ITIH2: variants seen among roughly 807,000 people sequenced by gnomAD.
The protein encoded by ITIH2 is inter-alpha-trypsin inhibitor heavy chain H2.
A neutral mutation model predicts 104.4 loss-of-function variants in ITIH2; 103 were observed. The observed-to-expected ratio is 0.99, with a 90% CI of 0.84 to 1.16. The LOEUF (loss-of-function observed/expected upper bound fraction) is 1.16, where lower values mean the gene tolerates loss of function less well. Ranked by LOEUF, ITIH2 falls within the 50% of genes most tolerant of loss-of-function variation. The pLI is 0.00. For synonymous variants in ITIH2, 436 were observed against 435.4 expected (o/e 1.00, Z -0.02); for missense variants, 1,108 against 1,162.4 (o/e 0.95, Z 0.68).
Position 7,749,384 on chromosome 10 carries a change from T to C in ITIH2, c.*50T>C, listed in dbSNP as rs768755870. 4.8e-6 allele frequency: 7 copies of C among 1,471,536 alleles called. No homozygotes were observed. The highest frequency in any genetic ancestry group is 3.6e-5 in the Admixed American group (2 of 55,040). The allele number at this position is 1,471,536 out of a possible 1,614,324, so 91.2% of individuals were successfully genotyped here. The stretch of plus-strand genomic sequence containing the variant: ...TATATTAATATACATCTTTCCCCTG[T>C]CACTTTTGCAGATATTCTTCGGTTT... On this transcript the variant is annotated 3_prime_UTR_variant, in exon 21 of 21. Coordinates refer to ENST00000358415, the MANE Select transcript of ITIH2 (RefSeq NM_002216.3).
chr10:7,745,771 T>A lies in ITIH2; in HGVS notation c.2581+808T>A, dbSNP rs114881981. ...TTAAATTAATTAATTCATTAATTTA[T>A]GAGATGGAGTTTCTCTCTTGTTGCC... On this transcript the variant is annotated intron_variant, in intron 19 of 20. Coordinates refer to ENST00000358415, the MANE Select transcript of ITIH2 (RefSeq NM_002216.3). Among the ~76,000 whole-genome samples the A allele has an allele frequency of 5.7e-3, 864 of 151,130 alleles. 6 individuals carry two copies. Among genetic ancestry groups the A allele is most frequent in the African/African-American group, 0.02 (825 of 41,286 alleles).
chr10:7,721,344 T>C (rs1834900632), intron 7 of ITIH2, among the ~76,000 whole-genome samples: 1 of 152,190 alleles, frequency 6.6e-6, no homozygotes, highest in South Asian at 2.1e-4. Flanking sequence ...GAAACTCCTC[T>C]AAGAGCATTA....
rs923997175 is a variant in ITIH2, at chr10:7,721,724, G to A, written c.814G>A (p.Glu272Lys). The A allele has an allele frequency of 3.7e-6, 6 of 1,613,872 alleles. No individual in the cohort carries two copies. The highest frequency in any genetic ancestry group is 1.7e-5 in the Admixed American group (1 of 59,996). Residue 272 changes from glutamate (E) to lysine (K), a missense_variant, in exon 8 of 21, where the codon GAA becomes AAA. Coordinates refer to ENST00000358415, the MANE Select transcript of ITIH2 (RefSeq NM_002216.3). ...PNCRETAVDGELVVLYDVKRE... is the reference protein window; with the variant it reads ...PNCRETAVDGKLVVLYDVKRE... ...CTGCCGGGAGACTGCGGTAGATGGGGAACTGGTGGTGCTGTATGACGTGAA... is the reference window on the plus strand; with the variant it reads ...CTGCCGGGAGACTGCGGTAGATGGGAAACTGGTGGTGCTGTATGACGTGAA...
intron 13 of ITIH2, 110 bp from the exon 14 acceptor site, chr10:7,732,228 C>A: frequency 7.8e-7 from 1 of 1,280,526 alleles, no homozygotes; most frequent in South Asian, 1.3e-5. Context: ...TAGGCTTTGC[C>A]TTCCATTTCT....
intron 15 of ITIH2, among the ~76,000 whole-genome samples, chr10:7,736,688 G>T (rs1020568254): frequency 2.0e-5 from 3 of 152,058 alleles, no homozygotes; most frequent in South Asian, 4.1e-4. Flanking sequence ...AAACTGGAGT[G>T]GAAATAATCT....
At chr10:7,749,049 A>G (rs1835210846) in intron 20 of ITIH2, 138 bp from the exon 21 acceptor site, 2 of 784,196 alleles carry the variant, frequency 2.6e-6, no homozygotes, top group South Asian at 3.9e-5. Context: ...TCTTTTTCAC[A>G]TGACTTGGGG....
chr10:7,743,306 G>C (rs113220591), intron 17 of ITIH2, 47 bp downstream of exon 17: 15 of 965,278 alleles, frequency 1.6e-5, no homozygotes, highest in African/African-American at 9.9e-5. Context: ...TCATTGTCAT[G>C]CTTTCCTGTC....
In ITIH2 at chr10:7,731,813, A is replaced by T. The variant is rs199599004; in HGVS notation, c.1464A>T (p.Lys488Asn). The change falls in exon 13 of 21, where the codon AAA (lysine) becomes AAT (asparagine). Residue 488 changes from lysine to asparagine, a missense_variant and splice_region_variant. Transcript: ENST00000358415. ...CTCTCTCTCTCTGTGAATTGTAGAA[A>T]TTCTACAACCAGGTCTCCACTCCAT... ...GNQDTSSQLKKFYNQVSTPLL... is the reference protein window; with the variant it reads ...GNQDTSSQLKNFYNQVSTPLL... The T allele has an allele frequency of 1.4e-5, 22 of 1,591,890 alleles. No individual in the cohort carries two copies. In the African/African-American group the frequency reaches 2.8e-4, roughly 20 times the overall value.
At chr10:7,707,051 T>C (rs113149972) in intron 2 of ITIH2, 150 bp from the exon 3 acceptor site, 19 of 477,598 alleles carry the variant, frequency 4.0e-5, no homozygotes, top group African/African-American at 2.9e-4. Flanking sequence ...TTCAAGAATA[T>C]TCAATATTTA....
intron 11 of ITIH2, among the ~76,000 whole-genome samples, chr10:7,729,507 C>T (rs1834981713): frequency 6.6e-6 from 1 of 152,032 alleles, no homozygotes; most frequent in Non-Finnish European, 1.5e-5. Context: ...TGCATACATA[C>T]ACATACATAC....
rs1834814791 is a variant in ITIH2, at chr10:7,713,264, G to C, written c.446G>C (p.Gly149Ala). 6.2e-7 allele frequency: 1 copy of C among 1,613,984 alleles called. No homozygotes were observed. Among genetic ancestry groups the C allele is most frequent in the African/African-American group, 1.3e-5 (1 of 74,944 alleles). ...RALYAQARAKGKTAGLVRSSA... is the reference protein window; with the variant it reads ...RALYAQARAKAKTAGLVRSSA... ...CTTTATGCACAGGCCAGAGCAAAAG[G>C]CAAGACGGCTGGCTTGGTGAGGTAA... Residue 149 changes from glycine to alanine, a missense_variant, in exon 5 of 21, where the codon GGC (glycine) becomes GCC (alanine). By Grantham distance (60) the Gly-to-Ala change is moderately conservative. Transcript: ENST00000358415.
chr10:7,747,797 G>C (rs1835193692), intron 20 of ITIH2, among the ~76,000 whole-genome samples: 1 of 152,206 alleles, frequency 6.6e-6, no homozygotes, highest in Non-Finnish European at 1.5e-5. Flanking sequence ...TACTCAGGAG[G>C]CTGAGGTGGG....
Position 7,727,731 on chromosome 10 carries a change from G to A in ITIH2, c.1182G>A (p.Arg394=). The change falls in exon 11 of 21, where the codon CGG becomes CGA. Residue 394 remains arginine (R), a synonymous_variant. Coordinates refer to ENST00000358415, the MANE Select transcript of ITIH2 (RefSeq NM_002216.3). The part of the protein sequence containing the change: ...GGTNINEALL[R]AIFILNEANN... ...CAAACATCAACGAAGCACTCCTACG[G>A]GCAATCTTCATTTTGAATGAAGCCA... 1 of 1,614,076 alleles carries A rather than the reference G, an allele frequency of 6.2e-7. No individual in the cohort carries two copies. The highest frequency in any genetic ancestry group is 8.5e-7 in the Non-Finnish European group (1 of 1,179,980).
At chr10:7,736,383 G>C (rs1168813848) in intron 15 of ITIH2, among the ~76,000 whole-genome samples, 1 of 151,866 alleles carries the variant, frequency 6.6e-6, no homozygotes, top group Non-Finnish European at 1.5e-5. Context: ...ATTATTGGAA[G>C]TTTTATATTA....
At chr10:7,742,064 T>C (rs941420780) in intron 16 of ITIH2, among the ~76,000 whole-genome samples, 2 of 152,230 alleles carry the variant, frequency 1.3e-5, no homozygotes, top group African/African-American at 4.8e-5. Flanking sequence ...ATGTACTTCA[T>C]TCTATCTTAC....
At chr10:7,718,808 C>T (rs1393687531) in intron 6 of ITIH2, among the ~76,000 whole-genome samples, 1 of 152,120 alleles carries the variant, frequency 6.6e-6, no homozygotes, top group African/African-American at 2.4e-5. Context: ...AATATGTGGC[C>T]AATGACAGGA....
In ITIH2 at chr10:7,748,374, A is replaced by G. The variant is rs944917291; in HGVS notation, c.2694-813A>G. ...GTGGGCTGGGCACAGTGATACTTTT[A>G]AGTCTCGTTCACGCAGTGTGAACGA... On this transcript the variant is annotated intron_variant, in intron 20 of 20. Coordinates refer to ENST00000358415, the MANE Select transcript of ITIH2 (RefSeq NM_002216.3). Among the ~76,000 whole-genome samples the G allele has an allele frequency of 1.0e-4, 15 of 149,710 alleles. No homozygotes were observed. In the South Asian group the frequency reaches 3.2e-3, roughly 32 times the overall value.
intron 4 of ITIH2, among the ~76,000 whole-genome samples, chr10:7,712,901 A>G (rs1564298619): frequency 6.6e-6 from 1 of 152,150 alleles, no homozygotes; most frequent in Non-Finnish European, 1.5e-5. Context: ...CAGGTGGATC[A>G]TGAGGTCAGG....
rs377111707 is a variant in ITIH2 at position 7,717,633 on chromosome 10, G to T, written c.475G>T (p.Ala159Ser). 8.7e-6 allele frequency: 14 copies of T among 1,613,274 alleles called. No individual in the cohort carries two copies. The highest frequency in any genetic ancestry group is 1.2e-5 in the Non-Finnish European group (14 of 1,179,326). ...GKTAGLVRSS[A>S]LDMENFRTEV... Reference sequence around the variant, plus strand: ...GGGGGCTTTCACCTTTAGGAGCAGCGCTCTTGATATGGAAAACTTCAGAAC... The same window carrying T: ...GGGGGCTTTCACCTTTAGGAGCAGCTCTCTTGATATGGAAAACTTCAGAAC... Residue 159 changes from alanine to serine, a missense_variant, in exon 6 of 21, where the codon GCT becomes TCT. Ala to Ser is a moderately conservative substitution (Grantham distance 99). Coordinates refer to ENST00000358415, the MANE Select transcript of ITIH2 (RefSeq NM_002216.3).
Sources: allele counts gnomAD v4.1 joint callset (sites outside exome capture counted in the v4.1 genomes callset), GRCh38; gene constraint gnomAD v4.1.1; transcripts MANE v1.5; gene names NCBI Gene and HGNC (gene_info 2026-07-23, HGNC 2026-07-21).